Variants in CEP170 observed in about 807,000 individuals in gnomAD.
The protein encoded by CEP170 is centrosomal protein of 170 kDa.
A neutral mutation model predicts 151.9 loss-of-function variants in CEP170; 21 were observed. That is an observed-to-expected ratio of 0.14 (90% CI 0.10 to 0.20). The LOEUF (loss-of-function observed/expected upper bound fraction) is 0.20, where lower values mean the gene tolerates loss of function less well. CEP170 is among the 10% of genes least tolerant of loss of function. The pLI is 1.00. For missense variants in CEP170, 964 were observed against 1,892.9 expected (o/e 0.51, Z 9.11); for synonymous variants, 356 against 648.8 (o/e 0.55, Z 6.86).
intron 1 of CEP170, among the ~76,000 whole-genome samples, chr1:243,233,690 G>A (rs531523553): frequency 4.8e-4 from 68 of 142,142 alleles, no homozygotes; most frequent in African/African-American, 1.6e-3. Context: ...CCAAGATCAC[G>A]CCACTGTACT....
intron 1 of CEP170, chr1:243,253,056 T>A (rs2149215770): frequency 6.6e-6 from 1 of 152,354 alleles, no homozygotes; most frequent in African/African-American, 2.4e-5. Context: ...ATCATCATAC[T>A]ATTATAAAAT....
chr1:243,198,923 T>G (rs2060835638), intron 7 of CEP170, 137 bp downstream of exon 7: 1 of 582,498 alleles, frequency 1.7e-6, no homozygotes, highest in Non-Finnish European at 2.9e-6. Context: ...ACAAGGCCAT[T>G]AAAACATTCA....
At chr1:243,200,339 ATATAAT>A (rs1258539550) in intron 6 of CEP170, among the ~76,000 whole-genome samples, 173 bp downstream of exon 6, 1 of 152,260 alleles carries the variant, frequency 6.6e-6, no homozygotes, top group Non-Finnish European at 1.5e-5. Context: ...TAACTGCTAT[ATATAAT>A]TATGTGTTTT....
At chr1:243,152,860 CCT>C (rs1241267399) in intron 14 of CEP170, among the ~76,000 whole-genome samples, 6 of 152,132 alleles carry the variant, frequency 3.9e-5, no homozygotes, top group African/African-American at 1.4e-4. Context: ...AAAATGTATT[CCT>C]TTATTTAAGA....
At chr1:243,248,733 C>G (rs1264588499) in intron 1 of CEP170, among the ~76,000 whole-genome samples, 3 of 152,284 alleles carry the variant, frequency 2.0e-5, no homozygotes, top group Non-Finnish European at 4.4e-5. Context: ...AAAGAATTCC[C>G]AGAGCCATTC....
In CEP170 at chr1:243,199,088, T is replaced by C. The variant is rs1177688377; in HGVS notation, c.603A>G (p.Glu201=). The C allele has an allele frequency of 1.2e-6, 2 of 1,611,862 alleles. No homozygotes were observed. The highest frequency in any genetic ancestry group is 1.7e-6 in the Non-Finnish European group (2 of 1,178,700). ...KRAFKTNGKP[E]EKNHEAGTSG... is the part of the protein sequence containing the mutation. ...ATGTTCCAGCTTCATGGTTTTTTTCTTCAGGTTTGCCATTTGTCTTGAAAG... is the reference window on the plus strand; with the variant it reads ...ATGTTCCAGCTTCATGGTTTTTTTCCTCAGGTTTGCCATTTGTCTTGAAAG... Residue 201 remains glutamate (E), a synonymous_variant, in exon 7 of 20, where the codon GAA becomes GAG. Coordinates refer to ENST00000366542, the MANE Select transcript of CEP170 (RefSeq NM_014812.3).
intron 14 of CEP170, among the ~76,000 whole-genome samples, chr1:243,144,194 T>C (rs1371326946): frequency 1.3e-5 from 2 of 152,230 alleles, no homozygotes; most frequent in Non-Finnish European, 2.9e-5. Context: ...ACCATTATAA[T>C]ATGATGAGTA....
intron 1 of CEP170, 78 bp from the exon 2 acceptor site, chr1:243,225,399 T>C (rs927105499): frequency 5.3e-6 from 3 of 566,084 alleles, no homozygotes; most frequent in Non-Finnish European, 9.2e-6. Flanking sequence ...CTGGAAGGCC[T>C]AAGAATAGAA....
chr1:243,192,437 C>T (rs2789146), intron 7 of CEP170, among the ~76,000 whole-genome samples: 4 of 152,026 alleles, frequency 2.6e-5, no homozygotes, highest in South Asian at 2.1e-4. Flanking sequence ...GTTTTCGGTA[C>T]GCAAATGCAA....
intron 3 of CEP170, among the ~76,000 whole-genome samples, chr1:243,215,645 T>G (rs2062205395): frequency 1.3e-5 from 2 of 152,160 alleles, no homozygotes; most frequent in South Asian, 4.1e-4. Flanking sequence ...TCAATGACAA[T>G]GCGTGCCCAG....
chr1:243,196,500 C>T (rs925204721), intron 7 of CEP170, among the ~76,000 whole-genome samples: 3 of 152,040 alleles, frequency 2.0e-5, no homozygotes, highest in African/African-American at 7.2e-5. Flanking sequence ...CATGGTTGTG[C>T]CTTCTGTACA....
chr1:243,159,267 G>C (rs1364012977), intron 13 of CEP170, among the ~76,000 whole-genome samples: 1 of 151,992 alleles, frequency 6.6e-6, no homozygotes, highest in Non-Finnish European at 1.5e-5. Flanking sequence ...TCACACATGG[G>C]ATGCTATGAA....
At chr1:243,215,417 C>A (rs1015790729) in intron 3 of CEP170, among the ~76,000 whole-genome samples, 2 of 152,142 alleles carry the variant, frequency 1.3e-5, no homozygotes, top group African/African-American at 4.8e-5. Flanking sequence ...CTTTTCTCAG[C>A]AAGGAACAGC....
intron 15 of CEP170, among the ~76,000 whole-genome samples, chr1:243,142,009 T>C (rs373063970): frequency 2.6e-5 from 4 of 152,228 alleles, no homozygotes; most frequent in Admixed American, 6.5e-5. Flanking sequence ...ATTTATCAAA[T>C]TTTGGGTTGC....
In CEP170 at chr1:243,186,997, AT is replaced by A. The variant is rs2059979597; in HGVS notation, c.1109-576del. Among the ~76,000 whole-genome samples the A allele has an allele frequency of 3.9e-5, 6 of 152,144 alleles. 1 individual carries two copies. The South Asian group carries it at 1.2e-3, about 32-fold the overall frequency. On this transcript the variant is annotated intron_variant, in intron 8 of 19. Coordinates refer to ENST00000366542, the MANE Select transcript of CEP170 (RefSeq NM_014812.3). ...TGTAGTCCCCATTAATTATTGCAAAATTTTTTCCACATATCTTTCCAGCTAT... is the reference window on the plus strand; with the variant it reads ...TGTAGTCCCCATTAATTATTGCAAAATTTTTCCACATATCTTTCCAGCTAT...
rs573489271 is a variant in CEP170 at position 243,203,923 on chromosome 1, G to C, written c.275-3088C>G. 5.9e-5 allele frequency among the ~76,000 whole-genome samples: 9 copies of C among 152,030 alleles called. No homozygotes were observed. In the East Asian group the frequency reaches 1.7e-3, roughly 29 times the overall value. On this transcript the variant is annotated intron_variant, in intron 4 of 19. Transcript: ENST00000366542. ...TCTAAGGGGAAAATTTTATCTATCT[G>C]CTTAATTTTGCCTATACCTTCAAAA... is the stretch of plus-strand genomic sequence containing the variant.
chr1:243,190,377 T>G (rs2060233553), intron 8 of CEP170, among the ~76,000 whole-genome samples: 1 of 152,198 alleles, frequency 6.6e-6, no homozygotes, highest in African/African-American at 2.4e-5. Flanking sequence ...ATTGTACTAA[T>G]TTTGGCTAAG....
chr1:243,202,354 T>A, intron 4 of CEP170, among the ~76,000 whole-genome samples: 1 of 152,094 alleles, frequency 6.6e-6, no homozygotes, highest in East Asian at 1.9e-4. Context: ...TGAGGTACAG[T>A]GTATACTACT....
chr1:243,147,365 A>G (rs1460205175), intron 14 of CEP170, among the ~76,000 whole-genome samples: 1 of 152,208 alleles, frequency 6.6e-6, no homozygotes. Flanking sequence ...CTTTTTTATT[A>G]GACAGCACAT....
Sources: allele counts gnomAD v4.1 joint callset (sites outside exome capture counted in the v4.1 genomes callset), GRCh38; gene constraint gnomAD v4.1.1; transcripts MANE v1.5; gene names NCBI Gene and HGNC (gene_info 2026-07-23, HGNC 2026-07-21).